Variants in SYT9 observed in about 807,000 individuals in gnomAD.
SYT9 encodes the protein synaptotagmin 9, also known as synaptotagmin-9.
SYT9 carries 22 observed loss-of-function variants against 48.4 expected under a neutral mutation model. The observed-to-expected ratio is 0.45, with a 90% confidence interval of 0.32 to 0.65. SYT9 has a LOEUF of 0.65. Ranked by LOEUF, SYT9 falls within the 30% of genes least tolerant of loss-of-function variation. SYT9 has a pLI of 0.03. For synonymous variants in SYT9, 265 were observed against 245.0 expected, an observed-to-expected ratio of 1.08 and a Z score of -0.76; for missense variants, 577 against 622.0, an observed-to-expected ratio of 0.93 and a Z score of 0.77.
chr11:7,259,535 C>T lies in SYT9; in HGVS notation c.145+7204C>T, dbSNP rs114803205. Among the ~76,000 whole-genome samples the T allele has an allele frequency of 6.1e-3, 934 of 152,080 alleles. 5 individuals carry two copies. The highest frequency in any genetic ancestry group is 0.021 in the African/African-American group (859 of 41,476). ...TCCTGCTACATGTCAACAGTAAATC[C>T]GCTAGCATTAGGTGTATAATGTGAA... On this transcript the variant is annotated intron_variant, in intron 1 of 6. Transcript: ENST00000318881.
At chr11:7,258,024 G>A (rs116935301) in intron 1 of SYT9, among the ~76,000 whole-genome samples, 3,575 of 152,250 alleles carry the variant, frequency 0.023, 72 homozygotes, top group Middle Eastern at 0.068. Context: ...AAATTAAACT[G>A]ACACCTAAAG....
chr11:7,342,783 C>T lies in SYT9; in HGVS notation c.1044+28842C>T, dbSNP rs552478216. ...ACACCACATTTCCCTTCCACACTGC[C>T]CTAGCAGAGGTTCTCCATGAGGGCC... On this transcript the variant is annotated intron_variant, in intron 3 of 6. Transcript: ENST00000318881. Among the ~76,000 whole-genome samples the T allele has an allele frequency of 2.0e-5, 3 of 152,332 alleles. No homozygotes were observed. The East Asian group carries it at 5.8e-4, about 29-fold the overall frequency.
intron 6 of SYT9, among the ~76,000 whole-genome samples, chr11:7,450,744 TC>T (rs1848032018): frequency 6.6e-6 from 1 of 152,182 alleles, no homozygotes; most frequent in Admixed American, 6.5e-5. Context: ...CTACTGGAAT[TC>T]CAGTTTAACT....
chr11:7,322,845 A>T (rs1315937458), intron 3 of SYT9, among the ~76,000 whole-genome samples: 1 of 152,118 alleles, frequency 6.6e-6, no homozygotes, highest in African/African-American at 2.4e-5. Flanking sequence ...TGAATTTTAT[A>T]TGTATAATTC....
At chr11:7,405,200 A>C (rs1440869665) in intron 3 of SYT9, among the ~76,000 whole-genome samples, 1 of 152,050 alleles carries the variant, frequency 6.6e-6, no homozygotes, top group African/African-American at 2.4e-5. Flanking sequence ...TGTAAATCAG[A>C]GTTCCTCAAC....
rs1337081614 is a variant in SYT9, at chr11:7,252,924, C to G, written c.145+593C>G. Among the ~76,000 whole-genome samples the G allele has an allele frequency of 1.3e-5, 2 of 152,200 alleles. No individual in the cohort carries two copies. The highest frequency in any genetic ancestry group is 2.9e-5 in the Non-Finnish European group (2 of 68,050). ...CTGAACCCGTTCCCGGCGGGTCGCACGGCATGGAGGTGGCCTGGGCCTGGG... is the reference window on the plus strand; with the variant it reads ...CTGAACCCGTTCCCGGCGGGTCGCAGGGCATGGAGGTGGCCTGGGCCTGGG... On this transcript the variant is annotated intron_variant, in intron 1 of 6. Coordinates refer to ENST00000318881, the MANE Select transcript of SYT9 (RefSeq NM_175733.4). This position sits in a 1 kb window ranked among gnomAD's most constrained non-coding sequence, Gnocchi z 6.3.
chr11:7,247,598 C>T (rs151016371), upstream of SYT9, among the ~76,000 whole-genome samples: 34,284 of 142,186 alleles, frequency 0.24, 4,635 homozygotes, highest in Admixed American at 0.31. Context: ...TGTATATATA[C>T]GTATATATAC....
Position 7,381,448 on chromosome 11 carries a change from C to T in SYT9, c.1045-34594C>T, listed in dbSNP as rs558192685. ...TTTACCTATATGGTTTCCCTCTCTGCCAGTTAGGGTCCTTGGCCACTGCCC... is the reference window on the plus strand; with the variant it reads ...TTTACCTATATGGTTTCCCTCTCTGTCAGTTAGGGTCCTTGGCCACTGCCC... On this transcript the variant is annotated intron_variant, in intron 3 of 6. Transcript: ENST00000318881. 1.1e-4 allele frequency among the ~76,000 whole-genome samples: 16 copies of T among 152,310 alleles called. No individual in the cohort carries two copies. The South Asian group carries it at 3.3e-3, about 32-fold the overall frequency.
intron 6 of SYT9, chr11:7,427,220 A>G (rs1847477331): frequency 6.6e-6 from 1 of 152,208 alleles, no homozygotes; most frequent in South Asian, 2.1e-4. Context: ...GTAAAAAGGT[A>G]TTGAGAATGG....
At chr11:7,248,141 C>T (rs2087216), upstream of SYT9, among the ~76,000 whole-genome samples, 70,013 of 151,864 alleles carry the variant, frequency 0.46, 17,467 homozygotes, top group South Asian at 0.55. Context: ...AATTGTCTAT[C>T]CATGTCCTTA....
chr11:7,434,394 G>A (rs1336694134), intron 6 of SYT9, among the ~76,000 whole-genome samples: 1 of 152,168 alleles, frequency 6.6e-6, no homozygotes, highest in Non-Finnish European at 1.5e-5. Context: ...CCAAAAGCCA[G>A]GCAGGGATTA....
intron 1 of SYT9, among the ~76,000 whole-genome samples, chr11:7,286,422 G>A (rs538223591): frequency 6.6e-6 from 1 of 152,314 alleles, no homozygotes; most frequent in Admixed American, 6.5e-5. Context: ...CCAGGACCTG[G>A]CCCAGGAAAC....
chr11:7,298,719 G>A (rs1173607753), intron 1 of SYT9, among the ~76,000 whole-genome samples: 3 of 151,980 alleles, frequency 2.0e-5, no homozygotes, highest in African/African-American at 4.8e-5. Flanking sequence ...AATGTCTGCT[G>A]GGTCTAAGGT....
At chr11:7,277,585 A>G (rs922874845) in intron 1 of SYT9, among the ~76,000 whole-genome samples, 4 of 152,224 alleles carry the variant, frequency 2.6e-5, no homozygotes, top group Non-Finnish European at 5.9e-5. Flanking sequence ...TTTCAGCAGT[A>G]AAGTAATTGT....
chr11:7,357,986 A>G (rs1850054573), intron 3 of SYT9, among the ~76,000 whole-genome samples: 1 of 152,176 alleles, frequency 6.6e-6, no homozygotes, highest in African/African-American at 2.4e-5. Context: ...AAATTATTCT[A>G]GAAACTGTTA....
chr11:7,331,697 C>T (rs1318739658), intron 3 of SYT9, among the ~76,000 whole-genome samples: 1 of 152,030 alleles, frequency 6.6e-6, no homozygotes, highest in Non-Finnish European at 1.5e-5. Context: ...TGCGCTCCAG[C>T]CTGGGGGACA....
chr11:7,386,302 C>G (rs1850656449), intron 3 of SYT9, among the ~76,000 whole-genome samples: 4 of 152,048 alleles, frequency 2.6e-5, no homozygotes, highest in African/African-American at 9.7e-5. Context: ...CAAATAGGAT[C>G]TAATTAAACT....
chr11:7,361,783 C>G (rs1476329909), intron 3 of SYT9, among the ~76,000 whole-genome samples: 3 of 152,186 alleles, frequency 2.0e-5, no homozygotes, highest in Non-Finnish European at 4.4e-5. Context: ...ACTAGAGTGG[C>G]TTAGTAAAAG....
At position 7,269,937 on chromosome 11, in the gene SYT9, T is replaced by G. The variant is rs1237374432; in HGVS notation, c.145+17606T>G. 1.3e-5 allele frequency among the ~76,000 whole-genome samples: 2 copies of G among 152,162 alleles called. 1 individual carries two copies. The highest frequency in any genetic ancestry group is 4.1e-4 in the South Asian group (2 of 4,832). ...AAGCCAAAAACCATAAAAGACAAGG[T>G]TGACAGATTCTGAGAAGCACAACAG... On this transcript the variant is annotated intron_variant, in intron 1 of 6. Transcript: ENST00000318881.
Sources: allele counts gnomAD v4.1 joint callset (sites outside exome capture counted in the v4.1 genomes callset), GRCh38; gene constraint gnomAD v4.1.1; non-coding constraint Gnocchi (gnomAD v3.1); transcripts MANE v1.5; gene names NCBI Gene and HGNC (gene_info 2026-07-23, HGNC 2026-07-21).